The following NAA11 variants were observed in gnomAD, a reference collection of about 807,000 sequenced individuals.
NAA11 encodes N-alpha-acetyltransferase 11, NatA catalytic subunit.
Under a neutral mutation model 16.1 loss-of-function variants are expected in NAA11, and 15 were observed. The ratio of observed to expected loss-of-function variants is 0.93; its 90% CI spans 0.62 to 1.44. The LOEUF is 1.44. Among genes scored for constraint, NAA11 ranks in the 40% most tolerant of loss-of-function variants. The pLI is 0.00. For synonymous variants in NAA11, 122 were observed against 112.4 expected, an observed-to-expected ratio of 1.09 and a Z score of -0.54; for missense variants, 298 against 291.3, an observed-to-expected ratio of 1.02 and a Z score of -0.17.
intron 1 of NAA11, among the ~76,000 whole-genome samples, chr4:79,294,354 G>C (rs528932753): frequency 6.6e-6 from 1 of 152,224 alleles, no homozygotes; most frequent in African/African-American, 2.4e-5. Context: ...GCGAAAACTA[G>C]ATTCAAACAA....
At chr4:79,263,049 A>G (rs1722272915) in intron 2 of NAA11, among the ~76,000 whole-genome samples, 1 of 152,216 alleles carries the variant, frequency 6.6e-6, no homozygotes. Flanking sequence ...GATGCGTGTT[A>G]AAAACTATGA....
the NAA11 span, among the ~76,000 whole-genome samples, chr4:79,207,503 A>G: frequency 5.9e-5 from 9 of 152,208 alleles, no homozygotes; most frequent in African/African-American, 2.2e-4. Context: ...GCAAGAAGTC[A>G]ACATCTTCAG....
chr4:79,184,679 CA>C, the NAA11 span, among the ~76,000 whole-genome samples: 2 of 152,160 alleles, frequency 1.3e-5, no homozygotes, highest in Non-Finnish European at 2.9e-5. Context: ...GGAAGAAGAG[CA>C]GCTGTTTCCT....
At chr4:79,293,348 GA>G (rs1320543752) in intron 2 of NAA11, among the ~76,000 whole-genome samples, 1 of 152,124 alleles carries the variant, frequency 6.6e-6, no homozygotes, top group African/African-American at 2.4e-5. Flanking sequence ...AATTGTATGT[GA>G]AGCAAAAAGT....
In NAA11 at chr4:79,309,671, T is replaced by A. The variant is rs147037924; in HGVS notation, c.*12+15505A>T. On this transcript the variant is annotated intron_variant and NMD_transcript_variant, in intron 1 of 2. Coordinates refer to the NAA11 transcript ENST00000511542. ...TGTTTTCTTCTTAACGTAGTATTTA[T>A]TGTTTGAAAAGAATTCTTATTCTAT... is the stretch of plus-strand genomic sequence containing the variant. 4.3e-4 allele frequency among the ~76,000 whole-genome samples: 66 copies of A among 151,980 alleles called. No homozygotes were observed. The East Asian group carries it at 0.012, about 27-fold the overall frequency.
At position 79,325,493 on chromosome 4, in the gene NAA11, G is replaced by T; in HGVS notation, c.385C>A (p.Gln129Lys). Residue 129 changes from glutamine (Q) to lysine (K), a missense_variant, in exon 1 of 2, where the codon CAG becomes AAG. Transcript: ENST00000286794. ...LHLYSNTLNF[Q>K]ISEVEPKYYA... ...TATTTAGGTTCCACCTCACTAATCT[G>T]AAAGTTGAGGGTGTTAGAATAAAGG... The T allele has an allele frequency of 6.2e-7, 1 of 1,614,200 alleles. No individual in the cohort carries two copies. The highest frequency in any genetic ancestry group is 1.6e-4 in the Middle Eastern group (1 of 6,062).
chr4:79,314,363 T>C (rs923829523), downstream of NAA11, among the ~76,000 whole-genome samples: 1 of 152,100 alleles, frequency 6.6e-6, no homozygotes, highest in East Asian at 1.9e-4. Context: ...CTTCATATTA[T>C]CTTTATGAAG....
intron 1 of NAA11, among the ~76,000 whole-genome samples, chr4:79,319,322 T>G (rs1441238525): frequency 6.6e-6 from 1 of 152,162 alleles, no homozygotes; most frequent in African/African-American, 2.4e-5. Flanking sequence ...ACATGCTATT[T>G]GTCGATATGG....
At chr4:79,291,782 G>A (rs1277534493) in intron 2 of NAA11, among the ~76,000 whole-genome samples, 1 of 152,030 alleles carries the variant, frequency 6.6e-6, no homozygotes, top group Non-Finnish European at 1.5e-5. Flanking sequence ...GCAATAATAT[G>A]CTTAGAGGTT....
downstream of NAA11, among the ~76,000 whole-genome samples, chr4:79,223,368 C>T (rs1721236162): frequency 6.7e-6 from 1 of 150,084 alleles, no homozygotes; most frequent in Non-Finnish European, 1.5e-5. Context: ...AATTGGAAAT[C>T]ATCATTCTCA....
chr4:79,194,303 T>C, the NAA11 span, among the ~76,000 whole-genome samples: 1 of 152,176 alleles, frequency 6.6e-6, no homozygotes, highest in South Asian at 2.1e-4. Flanking sequence ...TGCATGAGCA[T>C]GGGATGTTTT....
At chr4:79,166,773 G>A in the NAA11 span, among the ~76,000 whole-genome samples, 1 of 149,362 alleles carries the variant, frequency 6.7e-6, no homozygotes, top group African/African-American at 2.5e-5. Context: ...GGAGGCTGAG[G>A]CAGGAGAATT....
chr4:79,283,396 G>A (rs1722839464), intron 2 of NAA11, among the ~76,000 whole-genome samples: 1 of 152,010 alleles, frequency 6.6e-6, no homozygotes, highest in African/African-American at 2.4e-5. Context: ...CTGGAAAGTG[G>A]TGGAGTGTAC....
intron 1 of NAA11, among the ~76,000 whole-genome samples, chr4:79,311,330 ACT>A (rs1477551651): frequency 6.6e-6 from 1 of 152,186 alleles, no homozygotes; most frequent in Non-Finnish European, 1.5e-5. Flanking sequence ...AATAAAAAAT[ACT>A]TTTTTTCTTG....
chr4:79,287,650 A>G (rs1722972283), intron 2 of NAA11, among the ~76,000 whole-genome samples: 2 of 151,842 alleles, frequency 1.3e-5, no homozygotes, highest in South Asian at 4.2e-4. Context: ...TTCAGGCTGA[A>G]TGACTGGCAT....
chr4:79,219,096 A>G, the NAA11 span, among the ~76,000 whole-genome samples: 2 of 152,120 alleles, frequency 1.3e-5, no homozygotes, highest in East Asian at 1.9e-4. Flanking sequence ...TCCCTACAAT[A>G]TTTTCTTTAT....
the NAA11 span, among the ~76,000 whole-genome samples, chr4:79,189,368 AGATGGCAACATTTT>A: frequency 6.6e-6 from 1 of 152,110 alleles, no homozygotes; most frequent in South Asian, 2.1e-4. Flanking sequence ...AGGGATGGCT[AGATGGCAACATTTT>A]GAGGAAGCAA....
intron 1 of NAA11, among the ~76,000 whole-genome samples, chr4:79,324,348 CTGAT>C (rs1724192748): frequency 6.6e-6 from 1 of 152,110 alleles, no homozygotes; most frequent in African/African-American, 2.4e-5. Context: ...CAAATTTTGC[CTGAT>C]TATCTCAAAA....
the NAA11 span, among the ~76,000 whole-genome samples, chr4:79,198,715 A>T: frequency 1.3e-5 from 2 of 152,070 alleles, no homozygotes; most frequent in East Asian, 3.9e-4. Context: ...GATATATGTC[A>T]TGATTTCAAC....
Sources: gnomAD v4.1 joint callset for allele counts (sites outside exome capture counted in the v4.1 genomes callset) on GRCh38, gnomAD v4.1.1 for gene constraint, MANE v1.5 for transcripts, NCBI Gene and HGNC (gene_info 2026-07-23, HGNC 2026-07-21) for gene names.